Variants in NKAIN2 observed in about 807,000 individuals in gnomAD.
The protein encoded by NKAIN2 is sodium/potassium transporting ATPase interacting 2.
A neutral mutation model predicts 32.6 loss-of-function variants in NKAIN2; 14 were observed. That is an observed-to-expected ratio of 0.43 (90% CI 0.28 to 0.67). The LOEUF (loss-of-function observed/expected upper bound fraction) is 0.67, where lower values mean the gene tolerates loss of function less well. Ranked by LOEUF, NKAIN2 falls within the 30% of genes least tolerant of loss-of-function variation. The pLI, the probability that NKAIN2 is intolerant of heterozygous loss-of-function variation, is 0.17. For missense variants in NKAIN2, 198 were observed against 258.3 expected, an observed-to-expected ratio of 0.77 and a Z score of 1.60; for synonymous variants, 80 against 87.2, an observed-to-expected ratio of 0.92 and a Z score of 0.46.
intron 4 of NKAIN2, among the ~76,000 whole-genome samples, chr6:124,747,876 T>C (rs1444626001): frequency 6.6e-6 from 1 of 151,866 alleles, no homozygotes; most frequent in Non-Finnish European, 1.5e-5. Context: ...CTCCTGACTC[T>C]TCCCTTTCTT....
chr6:124,624,553 C>G (rs1210175932), intron 3 of NKAIN2, among the ~76,000 whole-genome samples: 2 of 152,136 alleles, frequency 1.3e-5, no homozygotes, highest in Non-Finnish European at 2.9e-5. Context: ...GTGAATTTAA[C>G]AAAAGATATC....
chr6:124,722,244 C>T (rs968031971), intron 4 of NKAIN2, among the ~76,000 whole-genome samples: 1 of 152,182 alleles, frequency 6.6e-6, no homozygotes, highest in African/African-American at 2.4e-5. Flanking sequence ...TTGCTTTCAC[C>T]TTTTGGCTAT....
chr6:124,321,170 A>G (rs1797170447), intron 2 of NKAIN2, among the ~76,000 whole-genome samples: 2 of 152,194 alleles, frequency 1.3e-5, no homozygotes, highest in African/African-American at 4.8e-5. Context: ...CCTTCCTTTT[A>G]GCACCTTTGC....
Position 124,100,033 on chromosome 6 carries a change from T to C in NKAIN2, c.55-182972T>C, listed in dbSNP as rs191153522. Among the ~76,000 whole-genome samples, 185 of 152,342 alleles carry C rather than the reference T, an allele frequency of 1.2e-3. 1 individual carries two copies. The highest frequency in any genetic ancestry group is 4.3e-3 in the African/African-American group (178 of 41,584). ...TCATTTTTAAAGACCTTCATTCTTG[T>C]GATTGGAATTTTAAATCCTGTGCAA... On this transcript the variant is annotated intron_variant, in intron 1 of 6. Coordinates refer to ENST00000368417, the MANE Select transcript of NKAIN2 (RefSeq NM_001040214.3).
chr6:124,477,656 CT>C (rs1286773799), intron 3 of NKAIN2, among the ~76,000 whole-genome samples: 1 of 148,836 alleles, frequency 6.7e-6, no homozygotes, highest in Admixed American at 6.7e-5. Context: ...CCCACTTCCT[CT>C]TATCCTTCCC....
chr6:124,435,270 G>A (rs1054741893), intron 3 of NKAIN2, among the ~76,000 whole-genome samples: 2 of 152,100 alleles, frequency 1.3e-5, no homozygotes, highest in South Asian at 4.1e-4. Context: ...CAAGACTGTA[G>A]AGGTCTTGGT....
chr6:124,797,527 C>T (rs1043710515), intron 5 of NKAIN2, among the ~76,000 whole-genome samples: 1 of 152,158 alleles, frequency 6.6e-6, no homozygotes, highest in Non-Finnish European at 1.5e-5. Context: ...GCATCAAAAC[C>T]TGTCCTGAAT....
rs568027420 is a variant in NKAIN2, at chr6:124,207,605, G to A, written c.55-75400G>A. ...GTTATGTTTACCTGCCATGTACTAA[G>A]CTTGGCACATAACTGCTCAACAAAT... On this transcript the variant is annotated intron_variant, in intron 1 of 6. Coordinates refer to ENST00000368417, the MANE Select transcript of NKAIN2 (RefSeq NM_001040214.3). Among the ~76,000 whole-genome samples, 321 of 151,630 alleles carry A rather than the reference G, an allele frequency of 2.1e-3. 2 individuals carry two copies. The highest frequency in any genetic ancestry group is 7.4e-3 in the African/African-American group (307 of 41,396).
intron 1 of NKAIN2, among the ~76,000 whole-genome samples, chr6:124,040,183 T>C (rs1781803669): frequency 6.6e-6 from 1 of 152,034 alleles, no homozygotes; most frequent in South Asian, 2.1e-4. Context: ...TTAGACATAT[T>C]TTATTATTTT....
At chr6:124,570,889 A>C (rs1008456540) in intron 3 of NKAIN2, among the ~76,000 whole-genome samples, 3 of 152,160 alleles carry the variant, frequency 2.0e-5, no homozygotes. Context: ...AGCTGCAGAC[A>C]CTCAACACCA....
Position 124,293,318 on chromosome 6 carries a change from C to CT in NKAIN2, c.192+10184dup, listed in dbSNP as rs1039821375. On this transcript the variant is annotated intron_variant, in intron 2 of 6. Transcript: ENST00000368417. ...CCTTATTTGTTTGTAATATGTTATT[C>CT]TTTTTTTTGATTGCTATATTCAACT... is the stretch of plus-strand genomic sequence containing the variant. Among the ~76,000 whole-genome samples the CT allele has an allele frequency of 1.1e-4, 17 of 151,618 alleles. No individual in the cohort carries two copies. In the East Asian group the frequency reaches 2.7e-3, roughly 24 times the overall value.
At chr6:123,933,518 T>C (rs1170665421) in intron 1 of NKAIN2, among the ~76,000 whole-genome samples, 1 of 152,232 alleles carries the variant, frequency 6.6e-6, no homozygotes, top group Admixed American at 6.5e-5. Context: ...ATCTTACAGA[T>C]GAATAAAGAA....
intron 1 of NKAIN2, among the ~76,000 whole-genome samples, chr6:123,888,244 C>T (rs1773823654): frequency 6.6e-6 from 1 of 152,022 alleles, no homozygotes; most frequent in Admixed American, 6.6e-5. Flanking sequence ...AACATAGGCA[C>T]CATATCACAT....
intron 1 of NKAIN2, among the ~76,000 whole-genome samples, chr6:123,831,143 C>G (rs1774362220): frequency 6.6e-6 from 1 of 152,066 alleles, no homozygotes; most frequent in South Asian, 2.1e-4. Context: ...CTTCTTCTTA[C>G]TGGGTTTCCT....
chr6:124,699,818 C>A (rs1049075219), intron 4 of NKAIN2, among the ~76,000 whole-genome samples: 2 of 152,030 alleles, frequency 1.3e-5, no homozygotes, highest in African/African-American at 4.8e-5. Flanking sequence ...TTCTTTATAG[C>A]AATGCAAAAA....
At chr6:124,302,019 T>G (rs1179167058) in intron 2 of NKAIN2, among the ~76,000 whole-genome samples, 13 of 152,158 alleles carry the variant, frequency 8.5e-5, no homozygotes, top group Admixed American at 5.2e-4. Flanking sequence ...AATCTCACCT[T>G]GAATTGTAAT....
At chr6:124,344,981 GC>G (rs1456984054) in intron 2 of NKAIN2, among the ~76,000 whole-genome samples, 4 of 152,102 alleles carry the variant, frequency 2.6e-5, no homozygotes, top group Admixed American at 2.6e-4. Flanking sequence ...GTCATAGATA[GC>G]CCTTATTATT....
intron 3 of NKAIN2, among the ~76,000 whole-genome samples, chr6:124,521,243 C>T (rs1040198180): frequency 3.2e-4 from 48 of 152,246 alleles, no homozygotes; most frequent in Middle Eastern, 6.8e-3. Flanking sequence ...AAGCATTCAT[C>T]GTTTTACCAT....
chr6:124,473,464 T>C (rs981534249), intron 3 of NKAIN2, among the ~76,000 whole-genome samples: 6 of 152,164 alleles, frequency 3.9e-5, no homozygotes, highest in African/African-American at 1.4e-4. Flanking sequence ...CATTTATGGC[T>C]TTGTGATTTA....
Sources: allele counts gnomAD v4.1 joint callset (sites outside exome capture counted in the v4.1 genomes callset), GRCh38; gene constraint gnomAD v4.1.1; transcripts MANE v1.5; gene names NCBI Gene and HGNC (gene_info 2026-07-23, HGNC 2026-07-21).